The following CSDE1 variants were observed in gnomAD, a reference collection of about 807,000 sequenced individuals.
The protein encoded by CSDE1 is cold shock domain-containing protein E1.
In CSDE1, 17 loss-of-function variants were observed where a neutral mutation model predicts 89.3. That is an observed-to-expected ratio of 0.19 (90% CI 0.13 to 0.29). The LOEUF is 0.29. CSDE1 is among the 10% of genes least tolerant of loss of function. The pLI, the probability that CSDE1 is intolerant of heterozygous loss-of-function variation, is 1.00. For synonymous variants in CSDE1, 322 were observed against 332.8 expected (o/e 0.97, Z 0.35); for missense variants, 672 against 984.2 (o/e 0.68, Z 4.24).
intron 15 of CSDE1, among the ~76,000 whole-genome samples, chr1:114,724,637 TCA>T (rs1557991345): frequency 6.6e-6 from 1 of 152,222 alleles, no homozygotes; most frequent in Non-Finnish European, 1.5e-5. Flanking sequence ...CCATTATTTT[TCA>T]CATTTAGATT....
At chr1:114,740,939 AAG>A (rs1234184184) in intron 2 of CSDE1, among the ~76,000 whole-genome samples, 1 of 152,224 alleles carries the variant, frequency 6.6e-6, no homozygotes, top group East Asian at 1.9e-4. Flanking sequence ...ACTAGGAAAA[AAG>A]AGTAACAAAT....
chr1:114,728,797 A>G (rs1014128882), intron 12 of CSDE1, among the ~76,000 whole-genome samples: 2 of 152,328 alleles, frequency 1.3e-5, no homozygotes, highest in East Asian at 1.9e-4. Flanking sequence ...GAGGTGAAAT[A>G]ATTTCCCAAG....
intron 1 of CSDE1, among the ~76,000 whole-genome samples, chr1:114,753,654 C>T (rs924946855): frequency 3.9e-5 from 6 of 152,160 alleles, no homozygotes; most frequent in Admixed American, 1.3e-4. Context: ...TGGTGGCTCT[C>T]GCTTGTAATC....
At chr1:114,729,492 A>C (rs1262500880) in intron 12 of CSDE1, among the ~76,000 whole-genome samples, 1 of 143,804 alleles carries the variant, frequency 7.0e-6, no homozygotes, top group Non-Finnish European at 1.5e-5. Flanking sequence ...CTCCCTCACC[A>C]ACAAAAACCC....
intron 2 of CSDE1, 36 bp from the exon 3 acceptor site, chr1:114,739,926 T>C (rs755509304): frequency 6.5e-7 from 1 of 1,527,392 alleles, no homozygotes; most frequent in African/African-American, 1.4e-5. Flanking sequence ...TACATATCTG[T>C]ACATTATCTC....
At chr1:114,753,605 A>T in intron 1 of CSDE1, among the ~76,000 whole-genome samples, 1 of 152,134 alleles carries the variant, frequency 6.6e-6, no homozygotes, top group East Asian at 1.9e-4. Flanking sequence ...TAAAAGCTTG[A>T]AACTTAAGTT....
At chr1:114,754,983 T>A (rs2101099272) in intron 1 of CSDE1, among the ~76,000 whole-genome samples, 1 of 152,350 alleles carries the variant, frequency 6.6e-6, no homozygotes, top group South Asian at 2.1e-4. Flanking sequence ...AAATACAGTG[T>A]AATTATAATT....
At position 114,729,341 on chromosome 1, in the gene CSDE1, C is replaced by T. The variant is rs543050686; in HGVS notation, c.1356+917G>A. On this transcript the variant is annotated intron_variant, in intron 12 of 19. Transcript: ENST00000358528. ...GTCTCAATCTCCTGACCTCGTGATC[C>T]GCCCGCCTCAGCCTCCCAAAGTGCT... Among the ~76,000 whole-genome samples the T allele has an allele frequency of 2.7e-4, 41 of 151,884 alleles. No individual in the cohort carries two copies. In the South Asian group the frequency reaches 2.9e-3, roughly 11 times the overall value.
At chr1:114,723,317 G>A (rs1341384048) in intron 16 of CSDE1, among the ~76,000 whole-genome samples, 1 of 152,186 alleles carries the variant, frequency 6.6e-6, no homozygotes, top group African/African-American at 2.4e-5. Flanking sequence ...GATGGTGACT[G>A]TTGGGGGAAC....
intron 5 of CSDE1, 119 bp downstream of exon 5, chr1:114,737,352 A>G: frequency 1.2e-6 from 1 of 855,944 alleles, no homozygotes; most frequent in Non-Finnish European, 1.8e-6. Flanking sequence ...CCTCTTAGAA[A>G]CCAAATTTAA....
chr1:114,728,643 T>TA (rs963766130), intron 12 of CSDE1, among the ~76,000 whole-genome samples: 19 of 152,186 alleles, frequency 1.2e-4, no homozygotes, highest in African/African-American at 4.1e-4. Context: ...TAAAAGTTAT[T>TA]AAAAATAAGC....
intron 18 of CSDE1, chr1:114,719,003 G>A: frequency 2.4e-6 from 1 of 416,786 alleles, no homozygotes; most frequent in Non-Finnish European, 4.3e-6. Context: ...AGAGTGACCA[G>A]TTCCACAGAT....
At chr1:114,740,744 A>C (rs545776244) in intron 2 of CSDE1, among the ~76,000 whole-genome samples, 8 of 152,316 alleles carry the variant, frequency 5.3e-5, no homozygotes, top group Admixed American at 3.3e-4. Context: ...AAAACAACAA[A>C]AACTATAAGT....
chr1:114,719,779 C>T, intron 17 of CSDE1, 37 bp from the exon 18 acceptor site: 1 of 1,583,214 alleles, frequency 6.3e-7, no homozygotes. Flanking sequence ...AGAGGGCATG[C>T]CACACCTCAC....
chr1:114,730,267 G>C lies in CSDE1; in HGVS notation c.1347C>G (p.Gly449=), dbSNP rs1410714476. 2 of 1,612,356 alleles carry C rather than the reference G, an allele frequency of 1.2e-6. No individual in the cohort carries two copies. Among genetic ancestry groups the C allele is most frequent in the Non-Finnish European group, 1.7e-6 (2 of 1,179,610 alleles). ...ATTATGCAAAACCTACCTTCTCTTT[G>C]CCTTTATTTGGGCTAGTGGTTTTAG... ...SNPKTTSPNK[G]KEKEAEDGII... is the part of the protein sequence containing the mutation. The change falls in exon 12 of 20, where the codon GGC becomes GGG. Residue 449 remains glycine (G), a synonymous_variant. Transcript: ENST00000358528.
chr1:114,726,418 T>C lies in CSDE1; in HGVS notation c.1465-32A>G, dbSNP rs1659802038. On this transcript the variant is annotated intron_variant, in intron 13 of 19. Coordinates refer to ENST00000358528, the MANE Select transcript of CSDE1 (RefSeq NM_001007553.3). ...AAATTAAGGATGCTCATTAACACCATATCACTTCCACACCAATCTCCTTAA... is the reference window on the plus strand; with the variant it reads ...AAATTAAGGATGCTCATTAACACCACATCACTTCCACACCAATCTCCTTAA... 8 of 1,568,308 alleles carry C rather than the reference T, an allele frequency of 5.1e-6. No homozygotes were observed. The East Asian group carries it at 1.8e-4, about 36-fold the overall frequency.
At chr1:114,725,001 G>A (rs952778166) in intron 15 of CSDE1, among the ~76,000 whole-genome samples, 1 of 152,134 alleles carries the variant, frequency 6.6e-6, no homozygotes, top group African/African-American at 2.4e-5. Flanking sequence ...TCACCTAAAG[G>A]ATTTATTAAA....
In CSDE1 at chr1:114,723,933, A is replaced by G. The variant is rs766381988; in HGVS notation, c.1823T>C (p.Val608Ala). The change falls in exon 16 of 20, where the codon GTT (valine) becomes GCT (alanine). Residue 608 changes from valine (V) to alanine (A), a missense_variant. Physicochemically the swap from Val to Ala is moderately conservative, Grantham distance 64 (BLOSUM62 0). Coordinates refer to ENST00000358528, the MANE Select transcript of CSDE1 (RefSeq NM_001007553.3). ...SGKVIRPLRS[V>A]DPTQTEYQGM... ...TTGGTACTCAGTCTGTGTTGGATCAACACTCCTCAGGGGGCGAATTACTTT... is the reference window on the plus strand; with the variant it reads ...TTGGTACTCAGTCTGTGTTGGATCAGCACTCCTCAGGGGGCGAATTACTTT... 5 of 1,614,102 alleles carry G rather than the reference A, an allele frequency of 3.1e-6. No homozygotes were observed. The highest frequency in any genetic ancestry group is 1.7e-5 in the Admixed American group (1 of 60,018).
intron 3 of CSDE1, among the ~76,000 whole-genome samples, chr1:114,738,611 G>A (rs1181105661): frequency 2.0e-5 from 3 of 149,902 alleles, no homozygotes; most frequent in Non-Finnish European, 4.4e-5. Flanking sequence ...AATGCACAGA[G>A]GCCTCATAAT....
Sources: gnomAD v4.1 joint callset for allele counts (sites outside exome capture counted in the v4.1 genomes callset) on GRCh38, gnomAD v4.1.1 for gene constraint, MANE v1.5 for transcripts, NCBI Gene and HGNC (gene_info 2026-07-23, HGNC 2026-07-21) for gene names.